The following SLX4IP variants were observed in gnomAD, a reference collection of about 807,000 sequenced individuals.
The protein encoded by SLX4IP is protein SLX4IP.
SLX4IP carries 34 observed loss-of-function variants against 32.9 expected under a neutral mutation model. That is an observed-to-expected ratio of 1.03 (90% CI 0.79 to 1.38). SLX4IP has a LOEUF of 1.38. SLX4IP is among the 40% of genes most tolerant of loss of function. SLX4IP has a pLI of 0.00. For synonymous variants in SLX4IP, 172 were observed against 171.7 expected (o/e 1.00, Z -0.01); for missense variants, 444 against 479.0 (o/e 0.93, Z 0.68).
rs1016342369 is a variant in SLX4IP at position 10,626,435 on chromosome 20, G to A, written c.*3056G>A. 8 of 152,012 alleles carry A rather than the reference G, an allele frequency of 5.3e-5. No individual in the cohort carries two copies. Among genetic ancestry groups the A allele is most frequent in the African/African-American group, 1.9e-4 (8 of 41,388 alleles). 9.4% of individuals were successfully genotyped at this position (152,012 alleles called of 1,614,324 possible). On this transcript the variant is annotated 3_prime_UTR_variant, in exon 8 of 8. Transcript: ENST00000334534. Reference sequence around the variant, plus strand: ...AACAAGTTCTTCAACCACTTGCGTAGTACCCCAAATTATATTCAAGTCCCT... The same window carrying A: ...AACAAGTTCTTCAACCACTTGCGTAATACCCCAAATTATATTCAAGTCCCT...
At chr20:10,484,641 A>G (rs1219951451) in intron 2 of SLX4IP, among the ~76,000 whole-genome samples, 1 of 152,162 alleles carries the variant, frequency 6.6e-6, no homozygotes, top group Middle Eastern at 3.2e-3. Context: ...GTGCTCCATA[A>G]ATATTTAATG....
intron 4 of SLX4IP, among the ~76,000 whole-genome samples, chr20:10,582,688 G>A (rs549830652): frequency 6.6e-6 from 1 of 152,276 alleles, no homozygotes; most frequent in African/African-American, 2.4e-5. Context: ...GCTTAAGGAA[G>A]ATAAGAGCTT....
intron 2 of SLX4IP, among the ~76,000 whole-genome samples, chr20:10,545,170 C>T (rs1347772389): frequency 6.6e-6 from 1 of 152,062 alleles, no homozygotes; most frequent in Non-Finnish European, 1.5e-5. Flanking sequence ...GGGTAAATAT[C>T]CCTAAGGTCG....
chr20:10,460,074 T>C (rs927862174), intron 2 of SLX4IP, among the ~76,000 whole-genome samples: 1 of 152,226 alleles, frequency 6.6e-6, no homozygotes, highest in Admixed American at 6.5e-5. Context: ...TGTATCCATA[T>C]ATATATTCTT....
chr20:10,613,898 C>G (rs1436608297), intron 6 of SLX4IP: 1 of 1,481,526 alleles, frequency 6.7e-7, no homozygotes, highest in African/African-American at 1.4e-5. Flanking sequence ...CTAAAGATAT[C>G]TTTTTAAAGA....
intron 2 of SLX4IP, among the ~76,000 whole-genome samples, chr20:10,509,716 C>T (rs1600943909): frequency 1.3e-5 from 2 of 150,678 alleles, no homozygotes; most frequent in African/African-American, 4.9e-5. Context: ...TTTTTTTAAG[C>T]CACAGAGTCT....
chr20:10,438,092 T>G (rs2122310448), intron 1 of SLX4IP, among the ~76,000 whole-genome samples: 1 of 152,338 alleles, frequency 6.6e-6, no homozygotes, highest in South Asian at 2.1e-4. Flanking sequence ...TTCTGGGCTT[T>G]AAGGTTTTGT....
intron 2 of SLX4IP, among the ~76,000 whole-genome samples, chr20:10,472,332 G>A (rs532322064): frequency 2.6e-5 from 4 of 151,458 alleles, no homozygotes; most frequent in Non-Finnish European, 4.4e-5. Flanking sequence ...CCAGGTTCAC[G>A]CTATTCTCCT....
At chr20:10,560,946 T>C in intron 4 of SLX4IP, 126 bp downstream of exon 4, 1 of 960,322 alleles carries the variant, frequency 1.0e-6, no homozygotes, top group Non-Finnish European at 1.4e-6. Flanking sequence ...TATGTCCTAA[T>C]GAAGATACTT....
intron 4 of SLX4IP, among the ~76,000 whole-genome samples, chr20:10,578,338 G>A (rs1371342601): frequency 6.6e-6 from 1 of 152,272 alleles, no homozygotes; most frequent in East Asian, 1.9e-4. Flanking sequence ...TACACCATGT[G>A]GTTCTCTGTA....
chr20:10,515,188 T>G (rs1328314464), intron 2 of SLX4IP, among the ~76,000 whole-genome samples: 1 of 140,766 alleles, frequency 7.1e-6, no homozygotes, highest in Non-Finnish European at 1.5e-5. Context: ...GAGTTCAACC[T>G]GTTCTCCTGC....
At chr20:10,435,997 G>C (rs2065109346) in intron 1 of SLX4IP, among the ~76,000 whole-genome samples, 2 of 152,182 alleles carry the variant, frequency 1.3e-5, no homozygotes, top group African/African-American at 4.8e-5. Context: ...AGCACTGCTA[G>C]ACTGTATAAA....
intron 1 of SLX4IP, among the ~76,000 whole-genome samples, chr20:10,454,263 A>G (rs527267390): frequency 1.3e-5 from 2 of 152,310 alleles, no homozygotes; most frequent in South Asian, 4.1e-4. Context: ...TTCACTTAAG[A>G]GCCATCTGTT....
chr20:10,477,147 G>C (rs1000762922), intron 2 of SLX4IP, among the ~76,000 whole-genome samples: 6 of 151,438 alleles, frequency 4.0e-5, no homozygotes, highest in African/African-American at 1.2e-4. Context: ...TTAGATTTCT[G>C]ACCTGACTGT....
rs745590164 is a variant in SLX4IP, at chr20:10,540,084, C to CTCCTTCCTTCCTTCCTT, written c.28-16134_28-16133insCCTTTCCTTCCTTCCTT. Among the ~76,000 whole-genome samples the CTCCTTCCTTCCTTCCTT allele has an allele frequency of 7.0e-4, 88 of 125,346 alleles. 3 individuals are homozygous for CTCCTTCCTTCCTTCCTT. The highest frequency in any genetic ancestry group is 3.7e-3 in the Middle Eastern group (1 of 270). The allele number at this position is 125,346 out of a possible 152,430, so 82.2% of individuals were successfully genotyped here. ...GTTTTCTTTCTTTTCTTTCTTTTCT[C>CTCCTTCCTTCCTTCCTT]TCCTTCCTTCCTTTCCTTCCTTCCT... On this transcript the variant is annotated intron_variant, in intron 2 of 7. Coordinates refer to ENST00000334534, the MANE Select transcript of SLX4IP (RefSeq NM_001009608.3).
chr20:10,522,413 A>G (rs75678455), intron 2 of SLX4IP, among the ~76,000 whole-genome samples: 271 of 152,294 alleles, frequency 1.8e-3, no homozygotes, highest in Middle Eastern at 6.8e-3. Flanking sequence ...CGGAAAAAGT[A>G]TACAAACCCG....
intron 2 of SLX4IP, among the ~76,000 whole-genome samples, chr20:10,538,109 A>AC (rs2066065309): frequency 6.6e-6 from 1 of 152,094 alleles, no homozygotes; most frequent in African/African-American, 2.4e-5. Context: ...GACTAAGAGG[A>AC]CCCTTTCTTT....
intron 2 of SLX4IP, among the ~76,000 whole-genome samples, chr20:10,486,955 A>G (rs113242983): frequency 6.6e-6 from 1 of 151,444 alleles, no homozygotes; most frequent in African/African-American, 2.4e-5. Flanking sequence ...TCTTGAGGGT[A>G]CAGTTAAGTG....
intron 4 of SLX4IP, among the ~76,000 whole-genome samples, chr20:10,586,212 C>T (rs1015618664): frequency 6.6e-6 from 1 of 152,036 alleles, no homozygotes; most frequent in African/African-American, 2.4e-5. Context: ...AAACTTTAGA[C>T]AAAATAAATA....
Sources: allele counts gnomAD v4.1 joint callset (sites outside exome capture counted in the v4.1 genomes callset), GRCh38; gene constraint gnomAD v4.1.1; transcripts MANE v1.5; gene names NCBI Gene and HGNC (gene_info 2026-07-23, HGNC 2026-07-21).